FOXK2: variants seen among roughly 807,000 people sequenced by gnomAD.
The protein encoded by FOXK2 is forkhead box protein K2.
In FOXK2, 24 loss-of-function variants were observed where a neutral mutation model predicts 53.3. That is an observed-to-expected ratio of 0.45 (90% CI 0.33 to 0.63). The LOEUF (loss-of-function observed/expected upper bound fraction) is 0.63. FOXK2 is among the 30% of genes least tolerant of loss of function. The pLI, the probability that FOXK2 is intolerant of heterozygous loss-of-function variation, is 0.03. For missense variants in FOXK2, 952 were observed against 910.5 expected (o/e 1.05, Z -0.59); for synonymous variants, 505 against 407.1 (o/e 1.24, Z -2.89).
intron 1 of FOXK2, among the ~76,000 whole-genome samples, chr17:82,529,983 T>TG (rs1395835727): frequency 6.6e-6 from 1 of 152,216 alleles, no homozygotes; most frequent in Non-Finnish European, 1.5e-5. Context: ...TTATCTTTAG[T>TG]GGGAAAAAAG....
At chr17:82,550,710 T>A (rs1354526649) in intron 1 of FOXK2, among the ~76,000 whole-genome samples, 1 of 151,946 alleles carries the variant, frequency 6.6e-6, no homozygotes, top group East Asian at 2.0e-4. Context: ...TTTCACCATG[T>A]TAGCCAGGAT....
chr17:82,535,817 G>A (rs1245573914), intron 1 of FOXK2, among the ~76,000 whole-genome samples: 1 of 150,620 alleles, frequency 6.6e-6, no homozygotes, highest in African/African-American at 2.4e-5. Context: ...GCGCGATCTG[G>A]GCTCACTGAA....
intron 4 of FOXK2, among the ~76,000 whole-genome samples, chr17:82,572,364 A>C (rs2044927646): frequency 1.3e-5 from 2 of 152,226 alleles, no homozygotes; most frequent in South Asian, 4.1e-4. Flanking sequence ...GGGGTAAAAA[A>C]CAGATGAACG....
At chr17:82,577,273 CTG>C (rs2044999414) in intron 4 of FOXK2, 2 of 1,280,888 alleles carry the variant, frequency 1.6e-6, no homozygotes, top group Non-Finnish European at 2.2e-6. Context: ...TGTAATTTCT[CTG>C]TAATAACTGG....
chr17:82,573,592 ACACACAC>A (rs2044948036), intron 4 of FOXK2, among the ~76,000 whole-genome samples: 1 of 146,986 alleles, frequency 6.8e-6, no homozygotes, highest in Non-Finnish European at 1.5e-5. Flanking sequence ...ACACACACAC[ACACACAC>A]AACCAGATAA....
chr17:82,574,470 G>A (rs2044959709), intron 4 of FOXK2, among the ~76,000 whole-genome samples: 1 of 152,150 alleles, frequency 6.6e-6, no homozygotes, highest in Non-Finnish European at 1.5e-5. Flanking sequence ...ACAGGCTTGA[G>A]CCACCACACC....
At chr17:82,572,519 C>A (rs906438782) in intron 4 of FOXK2, among the ~76,000 whole-genome samples, 1 of 150,396 alleles carries the variant, frequency 6.6e-6, no homozygotes, top group East Asian at 1.9e-4. Context: ...GTCAGAGTCT[C>A]GCTCTGTTAT....
rs918124550 is a variant in FOXK2 at position 82,574,387 on chromosome 17, C to T, written c.909+2517C>T. Among the ~76,000 whole-genome samples, 13 of 149,964 alleles carry T rather than the reference C, an allele frequency of 8.7e-5. 1 individual carries two copies. The highest frequency in any genetic ancestry group is 7.3e-4 in the Admixed American group (11 of 14,990). On this transcript the variant is annotated intron_variant, in intron 4 of 8. Transcript: ENST00000335255. ...CCAGGCTGGAGTGCAATGGCGCGAT[C>T]TCGGCTCACTGCAACCTCCGCCTCC...
chr17:82,597,642 C>T (rs2045329395), intron 8 of FOXK2, among the ~76,000 whole-genome samples: 1 of 152,072 alleles, frequency 6.6e-6, no homozygotes, highest in African/African-American at 2.4e-5. Context: ...TTAAGTGTCA[C>T]CATTTCTTTT....
intron 1 of FOXK2, among the ~76,000 whole-genome samples, chr17:82,523,422 A>G (rs559155772): frequency 2.5e-4 from 38 of 152,242 alleles, no homozygotes; most frequent in African/African-American, 8.4e-4. Flanking sequence ...TTAATGGAAT[A>G]AATCATAAAG....
At chr17:82,540,905 A>AGGGCCCC (rs2044568643) in intron 1 of FOXK2, among the ~76,000 whole-genome samples, 1 of 152,112 alleles carries the variant, frequency 6.6e-6, no homozygotes, top group Non-Finnish European at 1.5e-5. Context: ...ATGTGTTAAT[A>AGGGCCCC]CTGTGTTGGC....
chr17:82,531,993 G>A (rs973329016), intron 1 of FOXK2, among the ~76,000 whole-genome samples: 7 of 150,564 alleles, frequency 4.6e-5, no homozygotes, highest in Non-Finnish European at 7.4e-5. Flanking sequence ...GGCTCACGCC[G>A]CCACGCCCGG....
At chr17:82,532,751 A>G (rs1599880137) in intron 1 of FOXK2, among the ~76,000 whole-genome samples, 1 of 150,238 alleles carries the variant, frequency 6.7e-6, no homozygotes, top group Non-Finnish European at 1.5e-5. Flanking sequence ...TATTTTTAGT[A>G]GAGATGGGGT....
In FOXK2 at chr17:82,528,619, A is replaced by C. The variant is rs1007011350; in HGVS notation, c.419+8312A>C. On this transcript the variant is annotated intron_variant, in intron 1 of 8. Transcript: ENST00000335255. ...ATGTGAAGCGGGCTTTGAGCACGGA[A>C]CAAGGTGTTACAGCTGTACCTAGGA... Among the ~76,000 whole-genome samples the C allele has an allele frequency of 2.0e-5, 3 of 152,318 alleles. No individual in the cohort carries two copies. In the East Asian group the frequency reaches 5.8e-4, roughly 29 times the overall value.
At chr17:82,539,292 C>T (rs1419899907) in intron 1 of FOXK2, among the ~76,000 whole-genome samples, 2 of 138,354 alleles carry the variant, frequency 1.4e-5, no homozygotes, top group Non-Finnish European at 3.1e-5. Context: ...CGTGGTGGCT[C>T]AGGCCCGTAA....
At chr17:82,569,021 A>G (rs572762488) in intron 3 of FOXK2, among the ~76,000 whole-genome samples, 1 of 152,334 alleles carries the variant, frequency 6.6e-6, no homozygotes, top group South Asian at 2.1e-4. Context: ...CAAAAAAATA[A>G]AATAAAAAAT....
At position 82,601,352 on chromosome 17, in the gene FOXK2, C is replaced by T; in HGVS notation, c.1836C>T (p.Ala612=). The change falls in exon 9 of 9, where the codon GCC becomes GCT. Residue 612 remains alanine, a synonymous_variant. Transcript: ENST00000335255. ...HMLATHASAS[A]SLPTKRHNGD... ...TGGCAACACACGCATCCGCATCGGC[C>T]TCCCTGCCCACAAAGCGCCACAACG... 1.9e-6 allele frequency: 3 copies of T among 1,613,428 alleles called. No individual in the cohort carries two copies. Among genetic ancestry groups the T allele is most frequent in the Non-Finnish European group, 2.5e-6 (3 of 1,180,032 alleles).
At chr17:82,585,160 C>T (rs368680696) in intron 6 of FOXK2, 1 of 152,314 alleles carries the variant, frequency 6.6e-6, no homozygotes, top group Non-Finnish European at 1.5e-5. Flanking sequence ...CTCTAAGCCC[C>T]CAAACCACAA....
intron 5 of FOXK2, 117 bp downstream of exon 5, chr17:82,583,051 T>C (rs1394009890): frequency 6.6e-6 from 5 of 761,474 alleles, no homozygotes; most frequent in Non-Finnish European, 7.8e-6. Flanking sequence ...TGATTAAATG[T>C]TGGGATGGGG....
Sources: allele counts gnomAD v4.1 joint callset (sites outside exome capture counted in the v4.1 genomes callset), GRCh38; gene constraint gnomAD v4.1.1; transcripts MANE v1.5; gene names NCBI Gene and HGNC (gene_info 2026-07-23, HGNC 2026-07-21).